The following MYO6 variants were observed in gnomAD, a reference collection of about 807,000 sequenced individuals.
MYO6 encodes unconventional myosin-VI.
Under a neutral mutation model 178.7 loss-of-function variants are expected in MYO6, and 74 were observed. The ratio of observed to expected loss-of-function variants is 0.41; its 90% CI spans 0.34 to 0.50. The LOEUF is 0.50. Ranked by LOEUF, MYO6 falls within the 20% of genes least tolerant of loss-of-function variation. MYO6 has a pLI of 0.09. For synonymous variants in MYO6, 477 were observed against 504.6 expected, an observed-to-expected ratio of 0.95 and a Z score of 0.73; for missense variants, 1,330 against 1,547.4, an observed-to-expected ratio of 0.86 and a Z score of 2.36.
intron 25 of MYO6, 122 bp downstream of exon 25, chr6:75,887,116 C>G: frequency 1.2e-6 from 1 of 859,056 alleles, no homozygotes; most frequent in Admixed American, 2.2e-5. Context: ...TGTTGAGACT[C>G]AATGATGGCA....
intron 20 of MYO6, among the ~76,000 whole-genome samples, chr6:75,874,313 G>A (rs1490263584): frequency 6.6e-6 from 1 of 152,210 alleles, no homozygotes; most frequent in Admixed American, 6.5e-5. Context: ...AGGGTTGGTA[G>A]ACAAGACAGG....
chr6:75,764,531 CTTTCA>C (rs1222252247), intron 1 of MYO6, among the ~76,000 whole-genome samples: 2 of 152,140 alleles, frequency 1.3e-5, no homozygotes, highest in Admixed American at 6.6e-5. Context: ...TGTGTATCTT[CTTTCA>C]TTCTTGTCTA....
intron 16 of MYO6, among the ~76,000 whole-genome samples, chr6:75,866,275 CTGTGTGTGTG>C (rs10687890): frequency 5.0e-5 from 6 of 119,138 alleles, no homozygotes; most frequent in South Asian, 2.9e-4. Context: ...GTCTCTGTCT[CTGTGTGTGTG>C]TGTGTGTGTG....
At chr6:75,809,945 G>A (rs909026985) in intron 1 of MYO6, among the ~76,000 whole-genome samples, 13 of 151,046 alleles carry the variant, frequency 8.6e-5, no homozygotes, top group African/African-American at 1.2e-4. Context: ...TTAGCTGGGC[G>A]TTGTGGCAGG....
chr6:75,837,455 T>A (rs1350553901), intron 7 of MYO6, among the ~76,000 whole-genome samples: 1 of 152,180 alleles, frequency 6.6e-6, no homozygotes, highest in Non-Finnish European at 1.5e-5. Flanking sequence ...GGTCTCAACC[T>A]CCTGGGCTCA....
intron 22 of MYO6, among the ~76,000 whole-genome samples, chr6:75,881,449 A>G (rs1444530292): frequency 8.0e-6 from 1 of 124,318 alleles, no homozygotes; most frequent in Non-Finnish European, 1.6e-5. Context: ...TTGTTATTGA[A>G]TATGCTACCT....
intron 30 of MYO6, among the ~76,000 whole-genome samples, chr6:75,903,890 G>A (rs1486337990): frequency 6.6e-5 from 10 of 151,224 alleles, no homozygotes; most frequent in East Asian, 3.9e-4. Context: ...CATGTTTAGC[G>A]CTTCCTTCAG....
intron 27 of MYO6, among the ~76,000 whole-genome samples, 186 bp from the exon 28 acceptor site, chr6:75,892,344 A>G (rs1378993927): frequency 6.6e-6 from 1 of 152,082 alleles, no homozygotes; most frequent in Non-Finnish European, 1.5e-5. Flanking sequence ...CAAAATGGGG[A>G]TGTGTTTGAA....
At chr6:75,767,508 A>G (rs1169940828) in intron 1 of MYO6, among the ~76,000 whole-genome samples, 1 of 149,268 alleles carries the variant, frequency 6.7e-6, no homozygotes, top group African/African-American at 2.5e-5. Flanking sequence ...AATACACATG[A>G]TTTACAAATT....
intron 22 of MYO6, among the ~76,000 whole-genome samples, chr6:75,880,694 T>C (rs769861063): frequency 5.9e-5 from 9 of 152,148 alleles, no homozygotes; most frequent in Non-Finnish European, 1.0e-4. Context: ...GAAATATTTA[T>C]TGAAAGCTTA....
intron 1 of MYO6, among the ~76,000 whole-genome samples, chr6:75,801,957 G>A: frequency 6.6e-6 from 1 of 151,704 alleles, no homozygotes; most frequent in East Asian, 1.9e-4. Context: ...AAAAAAATGT[G>A]ATTCTCATCT....
chr6:75,779,606 T>A (rs1162831078), intron 1 of MYO6, among the ~76,000 whole-genome samples: 2 of 152,244 alleles, frequency 1.3e-5, no homozygotes, highest in Non-Finnish European at 1.5e-5. Context: ...TGATACTTTA[T>A]TGTAATATGT....
chr6:75,872,208 T>C (rs1777214504), intron 19 of MYO6, among the ~76,000 whole-genome samples: 1 of 152,184 alleles, frequency 6.6e-6, no homozygotes, highest in Admixed American at 6.5e-5. Flanking sequence ...AAATAATTAT[T>C]TGCAAGGTAA....
Position 75,849,612 on chromosome 6 carries a change from G to A in MYO6, c.1078+1081G>A, listed in dbSNP as rs558881209. 1.2e-3 allele frequency among the ~76,000 whole-genome samples: 188 copies of A among 152,276 alleles called. 2 individuals carry two copies. Among genetic ancestry groups the A allele is most frequent in the African/African-American group, 4.5e-3 (185 of 41,556 alleles). On this transcript the variant is annotated intron_variant, in intron 11 of 34. Coordinates refer to ENST00000369977, the MANE Select transcript of MYO6 (RefSeq NM_004999.4). Reference sequence around the variant, plus strand: ...GAGACAGGGACCAAGAGAAAAAAAAGCCATAGACTTTATTGAGCAGAGTGA... The same window carrying A: ...GAGACAGGGACCAAGAGAAAAAAAAACCATAGACTTTATTGAGCAGAGTGA...
At chr6:75,761,323 A>G (rs1777924649) in intron 1 of MYO6, among the ~76,000 whole-genome samples, 1 of 152,144 alleles carries the variant, frequency 6.6e-6, no homozygotes, top group Non-Finnish European at 1.5e-5. Context: ...GAGGAGGGAA[A>G]AGAAGGATGG....
intron 1 of MYO6, among the ~76,000 whole-genome samples, chr6:75,790,329 A>G (rs1254610422): frequency 6.6e-6 from 1 of 151,958 alleles, no homozygotes; most frequent in Non-Finnish European, 1.5e-5. Flanking sequence ...GAGTATCACA[A>G]TAAATTTGTT....
intron 1 of MYO6, among the ~76,000 whole-genome samples, chr6:75,760,580 A>G (rs929460213): frequency 6.6e-6 from 1 of 152,166 alleles, no homozygotes; most frequent in Non-Finnish European, 1.5e-5. Context: ...GCATACAAAT[A>G]AAGTATACCT....
intron 1 of MYO6, among the ~76,000 whole-genome samples, chr6:75,764,835 T>A (rs577396755): frequency 7.4e-4 from 112 of 151,950 alleles, no homozygotes; most frequent in Non-Finnish European, 1.3e-3. Flanking sequence ...CCGTCTCTAC[T>A]AAAAATACAA....
chr6:75,800,494 C>CTCACT (rs1769342370), intron 1 of MYO6, among the ~76,000 whole-genome samples: 2 of 152,008 alleles, frequency 1.3e-5, no homozygotes, highest in African/African-American at 4.8e-5. Context: ...TAATACCCAG[C>CTCACT]CTGGGTGACA....
Sources: allele counts gnomAD v4.1 joint callset (sites outside exome capture counted in the v4.1 genomes callset), GRCh38; gene constraint gnomAD v4.1.1; transcripts MANE v1.5; gene names NCBI Gene and HGNC (gene_info 2026-07-23, HGNC 2026-07-21).